Variants in TSNAXIP1 observed in about 807,000 individuals in gnomAD.
TSNAXIP1 encodes translin-associated factor X-interacting protein 1.
TSNAXIP1 carries 89 observed loss-of-function variants against 84.8 expected under a neutral mutation model. The observed-to-expected ratio is 1.05, with a 90% confidence interval of 0.88 to 1.25. The LOEUF (loss-of-function observed/expected upper bound fraction) is 1.25, where lower values mean the gene tolerates loss of function less well. TSNAXIP1 is among the 50% of genes most tolerant of loss of function. The pLI is 0.00. For synonymous variants in TSNAXIP1, 347 were observed against 335.2 expected (o/e 1.04, Z -0.39); for missense variants, 874 against 887.6 (o/e 0.98, Z 0.20).
At chr16:67,818,293 C>G (rs775108020) in intron 2 of TSNAXIP1, among the ~76,000 whole-genome samples, 32 of 151,828 alleles carry the variant, frequency 2.1e-4, no homozygotes, top group Non-Finnish European at 3.5e-4. Context: ...AGAAGGAAGA[C>G]TGCTTGAGAC....
chr16:67,808,658 A>C (rs984116659), intron 1 of TSNAXIP1, among the ~76,000 whole-genome samples: 6 of 152,102 alleles, frequency 3.9e-5, no homozygotes, highest in African/African-American at 1.4e-4. Context: ...GAATCGCTTG[A>C]ACCAGGGAGG....
chr16:67,823,760 G>C (rs1423835373), intron 5 of TSNAXIP1, 41 bp downstream of exon 5: 1 of 1,565,348 alleles, frequency 6.4e-7, no homozygotes, highest in Non-Finnish European at 8.8e-7. Context: ...GCTCACGCCT[G>C]TAATCCCAGC....
In TSNAXIP1 at chr16:67,825,803, G is replaced by A; in HGVS notation, c.951G>A (p.Met317Ile). The A allele has an allele frequency of 1.2e-6, 2 of 1,614,152 alleles. No homozygotes were observed. The highest frequency in any genetic ancestry group is 1.1e-5 in the South Asian group (1 of 91,086). ...GDVVPRRDFE[M>I]QEKTNKDLQE... The stretch of plus-strand genomic sequence containing the variant: ...TGGTCCCCAGGAGGGACTTTGAAAT[G>A]CAGGAGAAGACCAACAAGGATCTTC... The change falls in exon 8 of 16, where the codon ATG becomes ATA. Residue 317 changes from methionine (M) to isoleucine (I), a missense_variant. Transcript: ENST00000561639.
At chr16:67,821,770 G>A (rs1169268537) in intron 4 of TSNAXIP1, among the ~76,000 whole-genome samples, 3 of 150,722 alleles carry the variant, frequency 2.0e-5, no homozygotes, top group East Asian at 4.0e-4. Context: ...CAGGAGGATC[G>A]CTTGAGGTCA....
intron 4 of TSNAXIP1, among the ~76,000 whole-genome samples, chr16:67,821,763 G>A (rs578106424): frequency 2.6e-5 from 4 of 152,276 alleles, no homozygotes; most frequent in African/African-American, 9.6e-5. Context: ...GCTGAGGCAG[G>A]AGGATCGCTT....
In TSNAXIP1 at chr16:67,828,003, G is replaced by C. The variant is rs1567787131; in HGVS notation, c.*10G>C. On this transcript the variant is annotated 3_prime_UTR_variant, in exon 16 of 16. Transcript: ENST00000561639. ...AGAGCCTGCAAGCTAGGAACTTGTG[G>C]GCAGCCTGCGTACTCCAGTCCTGCT... 6.2e-7 allele frequency: 1 copy of C among 1,612,000 alleles called. No individual in the cohort carries two copies. The highest frequency in any genetic ancestry group is 2.2e-5 in the East Asian group (1 of 44,858).
intron 1 of TSNAXIP1, among the ~76,000 whole-genome samples, chr16:67,808,066 A>C (rs1469386637): frequency 6.6e-6 from 1 of 152,206 alleles, no homozygotes; most frequent in African/African-American, 2.4e-5. Context: ...AAACATGGGA[A>C]TGATACAGCC....
chr16:67,827,690 C>T, intron 15 of TSNAXIP1, 63 bp from the exon 16 acceptor site: 1 of 1,610,896 alleles, frequency 6.2e-7, no homozygotes, highest in Admixed American at 1.7e-5. Flanking sequence ...GAGGAGGGCA[C>T]CTGGGAGTCT....
chr16:67,824,302 C>T (rs2057283305), intron 5 of TSNAXIP1, among the ~76,000 whole-genome samples: 1 of 152,130 alleles, frequency 6.6e-6, no homozygotes, highest in African/African-American at 2.4e-5. Context: ...AGTCAGCAGG[C>T]TCCCCTGCCA....
Position 67,825,820 on chromosome 16 carries a change from A to G in TSNAXIP1, c.968A>G (p.Lys323Arg). The G allele has an allele frequency of 6.2e-7, 1 of 1,614,182 alleles. No individual in the cohort carries two copies. The highest frequency in any genetic ancestry group is 8.5e-7 in the Non-Finnish European group (1 of 1,180,024). Residue 323 changes from lysine (K) to arginine (R), a missense_variant, in exon 8 of 16, where the codon AAG becomes AGG. By Grantham distance (26) the Lys-to-Arg change is conservative. Transcript: ENST00000561639. Reference protein sequence around the residue: ...RDFEMQEKTNKDLQEQLDTLR... With the variant: ...RDFEMQEKTNRDLQEQLDTLR... The stretch of plus-strand genomic sequence containing the variant: ...TTTGAAATGCAGGAGAAGACCAACA[A>G]GGATCTTCAGGAGCAGGTGCTGGCA...
At chr16:67,809,485 T>G (rs1490452721) in intron 1 of TSNAXIP1, among the ~76,000 whole-genome samples, 1 of 150,074 alleles carries the variant, frequency 6.7e-6, no homozygotes, top group African/African-American at 2.5e-5. Context: ...CAGCCAGGCA[T>G]GGTGACCTGT....
At chr16:67,807,465 T>C (rs1647645184) in intron 1 of TSNAXIP1, 2 of 1,225,946 alleles carry the variant, frequency 1.6e-6, no homozygotes, top group African/African-American at 3.1e-5. Context: ...ATACCACATT[T>C]TTAAATATTT....
rs753438662 is a variant in TSNAXIP1, at chr16:67,825,972, T to C, written c.1040T>C (p.Met347Thr). 8 of 1,613,986 alleles carry C rather than the reference T, an allele frequency of 5.0e-6. No individual in the cohort carries two copies. In the Admixed American group the frequency reaches 8.3e-5, roughly 17 times the overall value. The change falls in exon 9 of 16, where the codon ATG becomes ACG. Residue 347 changes from methionine (M) to threonine (T), a missense_variant. Met to Thr is a moderately conservative substitution (Grantham distance 81). Transcript: ENST00000561639. ...GTTCGCAAGGAGCATGAGATCCTCA[T>C]GCAGCTGCACATGAGCACGCTGAAG... ...EEVRKEHEIL[M>T]QLHMSTLKER...
At chr16:67,826,325 C>T (rs1334789392) in intron 10 of TSNAXIP1, 43 bp downstream of exon 10, 4 of 1,586,908 alleles carry the variant, frequency 2.5e-6, no homozygotes, top group Admixed American at 3.4e-5. Context: ...AGAGTCAGAA[C>T]AGCCATGCCC....
Position 67,821,167 on chromosome 16 carries a change from G to A in TSNAXIP1, c.329G>A (p.Arg110His), listed in dbSNP as rs770437186. The A allele has an allele frequency of 5.1e-6, 8 of 1,575,288 alleles. No individual in the cohort carries two copies. The highest frequency in any genetic ancestry group is 4.4e-5 in the South Asian group (4 of 90,258). Residue 110 changes from arginine to histidine, a missense_variant, in exon 4 of 16, where the codon CGC becomes CAC. Physicochemically the swap from Arg to His is conservative, Grantham distance 29 (BLOSUM62 0). Coordinates refer to ENST00000561639, the MANE Select transcript of TSNAXIP1 (RefSeq NM_001288990.3). ...QYLEELENYL[R>H]KELLLLDLGT... ...TTGGAGGAACTGGAAAACTACCTAC[G>A]CAAGGAGCTCCTCCTGCTGGACCTG...
rs2151280393 is a variant in TSNAXIP1, at chr16:67,827,951, C to T, written c.2097C>T (p.Asp699=). 1.9e-6 allele frequency: 3 copies of T among 1,613,754 alleles called. No homozygotes were observed. Among genetic ancestry groups the T allele is most frequent in the Non-Finnish European group, 2.5e-6 (3 of 1,180,034 alleles). Residue 699 remains aspartate (D), a synonymous_variant, in exon 16 of 16, where the codon GAC becomes GAT. Coordinates refer to ENST00000561639, the MANE Select transcript of TSNAXIP1 (RefSeq NM_001288990.3). ...CCCTGGAGCGGCTTCAGGTGATTGACATCAGGCGTGTGGGACCTCGAGAGC... is the reference window on the plus strand; with the variant it reads ...CCCTGGAGCGGCTTCAGGTGATTGATATCAGGCGTGTGGGACCTCGAGAGC... ...QTALERLQVI[D]IRRVGPREPE...
chr16:67,813,106 G>A (rs970502142), intron 1 of TSNAXIP1, among the ~76,000 whole-genome samples: 2 of 152,102 alleles, frequency 1.3e-5, no homozygotes, highest in African/African-American at 4.8e-5. Context: ...TAAACTTCAG[G>A]CCGGTCGCGG....
intron 11 of TSNAXIP1, 52 bp from the exon 12 acceptor site, chr16:67,826,640 T>TGAGG: frequency 6.2e-7 from 1 of 1,611,214 alleles, no homozygotes; most frequent in Non-Finnish European, 8.5e-7. Flanking sequence ...GTGACAGGGA[T>TGAGG]GAGGGCCAAC....
rs2055490317 is a variant in TSNAXIP1 at position 67,806,973 on chromosome 16, A to G, written c.-177A>G. On this transcript the variant is annotated 5_prime_UTR_variant, in exon 1 of 16. Transcript: ENST00000561639. ...GGCACCCGCTGCCGGGTCCCAGTCCACCTTTGCTACTTTGTCCTACTCCCA... is the reference window on the plus strand; with the variant it reads ...GGCACCCGCTGCCGGGTCCCAGTCCGCCTTTGCTACTTTGTCCTACTCCCA... The G allele has an allele frequency of 9.9e-7, 1 of 1,005,456 alleles. No homozygotes were observed. Among genetic ancestry groups the G allele is most frequent in the Non-Finnish European group, 1.4e-6 (1 of 708,862 alleles). 62.3% of individuals were successfully genotyped at this position (1,005,456 alleles called of 1,614,324 possible). A position where few individuals can be genotyped will look rare whatever the true frequency, so the allele number is the denominator to read the frequency against.
Sources: allele counts gnomAD v4.1 joint callset (sites outside exome capture counted in the v4.1 genomes callset), GRCh38; gene constraint gnomAD v4.1.1; transcripts MANE v1.5; gene names NCBI Gene and HGNC (gene_info 2026-07-23, HGNC 2026-07-21).